Variants in DOCK9 observed in about 807,000 individuals in gnomAD.
DOCK9 encodes the protein dedicator of cytokinesis protein 9.
In DOCK9, 89 loss-of-function variants were observed where a neutral mutation model predicts 263.3. That is an observed-to-expected ratio of 0.34 (90% CI 0.28 to 0.40). DOCK9 has a LOEUF of 0.40. Among genes scored for constraint, DOCK9 ranks in the 10% least tolerant of loss-of-function variants. The probability of loss-of-function intolerance (pLI) is 1.00; values close to 1 mark genes in which losing one functional copy is unlikely to be tolerated. For synonymous variants in DOCK9, 976 were observed against 973.1 expected, an observed-to-expected ratio of 1.00 and a Z score of -0.06; for missense variants, 2,140 against 2,603.4, an observed-to-expected ratio of 0.82 and a Z score of 3.87.
intron 1 of DOCK9, among the ~76,000 whole-genome samples, chr13:98,968,640 T>G (rs1391416525): frequency 6.6e-6 from 1 of 152,126 alleles, no homozygotes; most frequent in African/African-American, 2.4e-5. Flanking sequence ...AGAGCAGAAA[T>G]TATATGTATG....
chr13:98,930,848 T>C (rs1255890147), intron 2 of DOCK9, among the ~76,000 whole-genome samples: 2 of 152,204 alleles, frequency 1.3e-5, no homozygotes, highest in Non-Finnish European at 2.9e-5. Flanking sequence ...TTCTCCATGT[T>C]GATCAGGCTG....
chr13:98,980,218 G>C (rs921723583), upstream of DOCK9, among the ~76,000 whole-genome samples: 3 of 152,288 alleles, frequency 2.0e-5, no homozygotes, highest in Admixed American at 6.5e-5. Context: ...AAATACCCTG[G>C]TATTCTGTAA....
At chr13:98,928,358 C>CATT (rs557347176) in intron 3 of DOCK9, among the ~76,000 whole-genome samples, 1 of 152,258 alleles carries the variant, frequency 6.6e-6, no homozygotes, top group South Asian at 2.1e-4. Context: ...TGTTTTAAGC[C>CATT]ATTAGGTCAT....
chr13:99,080,984 C>T (rs907226650), intron 1 of DOCK9, among the ~76,000 whole-genome samples: 6 of 152,206 alleles, frequency 3.9e-5, no homozygotes, highest in Non-Finnish European at 8.8e-5. Context: ...CAAGGCCTCA[C>T]TAATGTCCTC....
intron 1 of DOCK9, among the ~76,000 whole-genome samples, chr13:98,999,815 G>A (rs61575039): frequency 1.3e-5 from 2 of 152,098 alleles, no homozygotes; most frequent in African/African-American, 4.8e-5. Context: ...GTATGATTTG[G>A]ACAGAAGCCT....
At chr13:98,906,529 G>A (rs1457498517) in intron 9 of DOCK9, among the ~76,000 whole-genome samples, 4 of 152,068 alleles carry the variant, frequency 2.6e-5, no homozygotes, top group South Asian at 4.2e-4. Context: ...CTATGGAGTC[G>A]GAATAGAATG....
chr13:98,812,755 C>T (rs1274219074), intron 45 of DOCK9, among the ~76,000 whole-genome samples: 4 of 151,950 alleles, frequency 2.6e-5, no homozygotes, highest in South Asian at 2.1e-4. Context: ...GAAAGCCCAC[C>T]GCAAATGTTC....
Position 98,804,983 on chromosome 13 carries a change from C to T in DOCK9, c.5725+16G>A. On this transcript the variant is annotated intron_variant, in intron 49 of 52. Transcript: ENST00000682017. ...GGTGTCCGGGCTCGTGTCCATGCGG[C>T]TTCTGGGGCCCATACCTGTCAGGAT... is the stretch of plus-strand genomic sequence containing the variant. 3 of 1,586,394 alleles carry T rather than the reference C, an allele frequency of 1.9e-6. No individual in the cohort carries two copies. The South Asian group carries it at 3.4e-5, about 18-fold the overall frequency.
chr13:99,067,220 A>G lies in DOCK9; in HGVS notation c.129+19003T>C, dbSNP rs559544433. Among the ~76,000 whole-genome samples the G allele has an allele frequency of 2.0e-5, 3 of 152,294 alleles. No homozygotes were observed. In the East Asian group the frequency reaches 5.8e-4, roughly 29 times the overall value. ...AGGACAAGGATAGTGTCTTCACCAA[A>G]TGTTTACCTTTCTTTAGTGTTTGTT... On this transcript the variant is annotated intron_variant, in intron 1 of 32. Transcript: ENST00000427887.
chr13:98,931,878 G>GT (rs2054004953), intron 2 of DOCK9, among the ~76,000 whole-genome samples: 4 of 150,152 alleles, frequency 2.7e-5, no homozygotes, highest in African/African-American at 9.7e-5. Flanking sequence ...GATTACAGGT[G>GT]TGAGCCACCA....
intron 1 of DOCK9, among the ~76,000 whole-genome samples, chr13:98,965,144 G>C (rs1345168584): frequency 6.6e-6 from 1 of 152,136 alleles, no homozygotes; most frequent in Non-Finnish European, 1.5e-5. Context: ...GCCACAGTAA[G>C]AAGGGCCCTC....
rs200500566 is a variant in DOCK9, at chr13:98,885,084, A to C, written c.2269T>G (p.Ser757Ala). Residue 757 changes from serine to alanine, a missense_variant, in exon 21 of 53, where the codon TCC (serine) becomes GCC (alanine). This residue lies in a region of DOCK9 where 1,521 missense variants were observed against 1,741.7 expected (regional missense o/e 0.87). Coordinates refer to ENST00000682017, the MANE Select transcript of DOCK9 (RefSeq NM_001366683.2). ...RDVVETQVGY[S>A]WLPLLKDGRV... is the part of the protein sequence containing the mutation. ...CCGTCTTTCAGGAGGGGAAGCCAGG[A>C]GTAGCCAACTGTTGAAAACAAAGAA... is the stretch of plus-strand genomic sequence containing the variant. 1,342 of 1,613,684 alleles carry C rather than the reference A, an allele frequency of 8.3e-4. 3 individuals carry two copies. Among genetic ancestry groups the C allele is most frequent in the Middle Eastern group, 5.0e-3 (30 of 6,056 alleles).
rs373495648 is a variant in DOCK9, at chr13:98,901,472, ACT to A, written c.1503+304_1503+305del. On this transcript the variant is annotated intron_variant, in intron 13 of 52. Coordinates refer to ENST00000682017, the MANE Select transcript of DOCK9 (RefSeq NM_001366683.2). Reference sequence around the variant, plus strand: ...AGAGGCAAATTAACAGATAGAAGAAACTCTATTTGAATATCATACATGTACCT... The same window carrying A: ...AGAGGCAAATTAACAGATAGAAGAAACTATTTGAATATCATACATGTACCT... 2.3e-3 allele frequency among the ~76,000 whole-genome samples: 357 copies of A among 152,226 alleles called. 2 individuals are homozygous for A. Among genetic ancestry groups the A allele is most frequent in the African/African-American group, 8.0e-3 (333 of 41,540 alleles).
chr13:99,041,057 G>T (rs191089624), intron 1 of DOCK9, among the ~76,000 whole-genome samples: 1 of 152,264 alleles, frequency 6.6e-6, no homozygotes, highest in Admixed American at 6.5e-5. Flanking sequence ...TGGGGCCACT[G>T]GACATCTGTG....
Position 98,837,625 on chromosome 13 carries a change from CA to C in DOCK9, c.4199-17del, listed in dbSNP as rs148068284. 2,911 of 1,570,878 alleles carry C rather than the reference CA, an allele frequency of 1.9e-3. 51 individuals are homozygous for C. The African/African-American group carries it at 0.036, about 19-fold the overall frequency. ...TGGCCATAGCCTGCATGAATTACAA[CA>C]CAAGATTACTGCCCAGTGGTTCAGA... On this transcript the variant is annotated splice_polypyrimidine_tract_variant and intron_variant, in intron 38 of 52. Coordinates refer to ENST00000682017, the MANE Select transcript of DOCK9 (RefSeq NM_001366683.2).
chr13:98,957,602 G>A (rs1595641210), intron 1 of DOCK9, among the ~76,000 whole-genome samples: 2 of 149,386 alleles, frequency 1.3e-5, no homozygotes, highest in African/African-American at 4.9e-5. Context: ...AATAAGAATT[G>A]CCCAGAAAAT....
intron 46 of DOCK9, among the ~76,000 whole-genome samples, chr13:98,809,717 G>T (rs558478221): frequency 2.6e-5 from 4 of 152,280 alleles, no homozygotes; most frequent in Admixed American, 2.0e-4. Context: ...GTTAAGATGC[G>T]ATGTCAGAGA....
intron 3 of DOCK9, among the ~76,000 whole-genome samples, chr13:98,928,995 ATT>A (rs1485978330): frequency 6.6e-6 from 1 of 152,182 alleles, no homozygotes; most frequent in East Asian, 1.9e-4. Flanking sequence ...GAAATTAAAT[ATT>A]GTTATTTAAT....
intron 38 of DOCK9, among the ~76,000 whole-genome samples, chr13:98,841,901 C>T (rs1311675426): frequency 3.3e-5 from 5 of 151,978 alleles, no homozygotes; most frequent in African/African-American, 1.2e-4. Context: ...TCTCAGCCTC[C>T]CAAAGTGCTG....
Sources: allele counts gnomAD v4.1 joint callset (sites outside exome capture counted in the v4.1 genomes callset), GRCh38; gene constraint gnomAD v4.1.1; regional missense constraint gnomAD v4.1.1; transcripts MANE v1.5; gene names NCBI Gene and HGNC (gene_info 2026-07-23, HGNC 2026-07-21).